The following FABP12 variants were observed in gnomAD, a reference collection of about 807,000 sequenced individuals.
FABP12 encodes fatty acid-binding protein 12.
FABP12 carries 19 observed loss-of-function variants against 13.7 expected under a neutral mutation model. That is an observed-to-expected ratio of 1.39 (90% CI 0.97 to 2.04). The LOEUF (loss-of-function observed/expected upper bound fraction) is 2.04. Ranked by LOEUF, FABP12 falls within the 30% of genes most tolerant of loss-of-function variation. The probability of loss-of-function intolerance (pLI) is 0.00; values close to 1 mark genes in which losing one functional copy is unlikely to be tolerated. For missense variants in FABP12, 182 were observed against 164.2 expected (o/e 1.11, Z -0.59); for synonymous variants, 61 against 57.0 (o/e 1.07, Z -0.32).
At chr8:81,560,928 G>A (rs1809712795) in intron 1 of FABP12, among the ~76,000 whole-genome samples, 1 of 152,222 alleles carries the variant, frequency 6.6e-6, no homozygotes, top group African/African-American at 2.4e-5. Context: ...TGTATCTTCA[G>A]GGTGTTACTG....
At chr8:81,549,228 TAC>T (rs10577619) in intron 1 of FABP12, among the ~76,000 whole-genome samples, 5,465 of 149,654 alleles carry the variant, frequency 0.037, 258 homozygotes, top group African/African-American at 0.11. Context: ...CAGACACACA[TAC>T]ACACACACAC....
chr8:81,531,556 C>A (rs1809076172), intron 1 of FABP12, among the ~76,000 whole-genome samples, 166 bp from the exon 2 acceptor site: 2 of 152,124 alleles, frequency 1.3e-5, no homozygotes, highest in South Asian at 4.1e-4. Flanking sequence ...GAGTGTTTAG[C>A]AGAACTAGAT....
intron 1 of FABP12, among the ~76,000 whole-genome samples, chr8:81,547,943 C>A (rs1172965829): frequency 1.3e-5 from 2 of 152,184 alleles, no homozygotes; most frequent in African/African-American, 4.8e-5. Context: ...TTACAGAATT[C>A]ATACAGAAAA....
intron 1 of FABP12, among the ~76,000 whole-genome samples, chr8:81,574,302 C>T (rs1221797024): frequency 2.0e-5 from 3 of 152,092 alleles, no homozygotes; most frequent in East Asian, 3.9e-4. Context: ...TGGTATGAAA[C>T]CCACTCGATC....
intron 1 of FABP12, among the ~76,000 whole-genome samples, 136 bp downstream of exon 1, chr8:81,533,666 C>T (rs1185903637): frequency 6.6e-6 from 1 of 152,184 alleles, no homozygotes; most frequent in East Asian, 1.9e-4. Context: ...GTACATTAAA[C>T]ATGCTCAGGT....
chr8:81,571,648 G>A (rs112158654), intron 1 of FABP12, among the ~76,000 whole-genome samples: 2,641 of 152,330 alleles, frequency 0.017, 56 homozygotes, highest in African/African-American at 0.057. Flanking sequence ...GTAACTGACA[G>A]AGCTAAACCT....
At position 81,547,712 on chromosome 8, in the gene FABP12, G is replaced by A. The variant is rs74837336; in HGVS notation, c.-184-7969C>T. The stretch of plus-strand genomic sequence containing the variant: ...CTCATTCATTCAATACACATTTCAC[G>A]TGTATTAAGTTTTTGTGCCCACAGA... On this transcript the variant is annotated intron_variant, in intron 1 of 5. Coordinates refer to the FABP12 transcript ENST00000692030. 8.2e-3 allele frequency among the ~76,000 whole-genome samples: 1,245 copies of A among 152,140 alleles called. 14 individuals carry two copies. Among genetic ancestry groups the A allele is most frequent in the Non-Finnish European group, 0.012 (796 of 68,010 alleles).
At chr8:81,552,314 T>G (rs1312192840) in intron 1 of FABP12, among the ~76,000 whole-genome samples, 1 of 152,030 alleles carries the variant, frequency 6.6e-6, no homozygotes, top group Admixed American at 6.6e-5. Context: ...AGAAGTTCAG[T>G]ATAGTAGGAG....
chr8:81,556,850 A>G (rs944764983), intron 1 of FABP12, among the ~76,000 whole-genome samples: 11 of 148,294 alleles, frequency 7.4e-5, no homozygotes, highest in African/African-American at 2.7e-4. Flanking sequence ...TTTGTTGATT[A>G]AATGATTTTA....
intron 1 of FABP12, among the ~76,000 whole-genome samples, chr8:81,568,099 C>T (rs1367010037): frequency 2.0e-5 from 3 of 150,790 alleles, no homozygotes; most frequent in Non-Finnish European, 4.4e-5. Flanking sequence ...GTCCGCAGTC[C>T]CGCCTGGGCG....
intron 1 of FABP12, among the ~76,000 whole-genome samples, chr8:81,556,800 T>C (rs911899527): frequency 6.8e-6 from 1 of 147,936 alleles, no homozygotes; most frequent in Admixed American, 6.8e-5. Context: ...ATATATATGG[T>C]GCTTAAAACA....
intron 1 of FABP12, among the ~76,000 whole-genome samples, chr8:81,549,665 G>C (rs1352785662): frequency 6.6e-6 from 1 of 152,110 alleles, no homozygotes; most frequent in African/African-American, 2.4e-5. Context: ...AGTGAAATAG[G>C]GTACTGAAGA....
intron 1 of FABP12, 102 bp from the exon 2 acceptor site, chr8:81,531,492 G>T (rs1021599227): frequency 3.7e-6 from 2 of 534,232 alleles, no homozygotes; most frequent in Non-Finnish European, 6.5e-6. Context: ...ATCATCTAAA[G>T]CAGAAAAGCT....
At chr8:81,527,766 C>T (rs543864317) in intron 3 of FABP12, among the ~76,000 whole-genome samples, 1 of 152,196 alleles carries the variant, frequency 6.6e-6, no homozygotes, top group East Asian at 1.9e-4. Flanking sequence ...AAACTCCAGC[C>T]TGGACAGCAC....
chr8:81,555,413 A>G (rs1585848260), intron 1 of FABP12, among the ~76,000 whole-genome samples: 1 of 152,254 alleles, frequency 6.6e-6, no homozygotes, highest in Non-Finnish European at 1.5e-5. Context: ...TTTAAAATCT[A>G]AAGTCCTAAT....
At chr8:81,556,419 T>A (rs1379071731) in intron 1 of FABP12, among the ~76,000 whole-genome samples, 1 of 152,192 alleles carries the variant, frequency 6.6e-6, no homozygotes, top group Non-Finnish European at 1.5e-5. Context: ...CTCATTACCA[T>A]GGTGGCTTTT....
chr8:81,525,329 A>C, intron 4 of FABP12, among the ~76,000 whole-genome samples: 1 of 152,180 alleles, frequency 6.6e-6, no homozygotes, highest in Non-Finnish European at 1.5e-5. Flanking sequence ...CAGCCTGGCC[A>C]ACACGGTGAA....
At chr8:81,574,780 C>T (rs1218926492) in intron 1 of FABP12, among the ~76,000 whole-genome samples, 1 of 151,910 alleles carries the variant, frequency 6.6e-6, no homozygotes, top group Non-Finnish European at 1.5e-5. Flanking sequence ...GTATTAGAGT[C>T]GTGTCAGTCG....
At chr8:81,540,339 T>C (rs957960594) in intron 1 of FABP12, among the ~76,000 whole-genome samples, 2 of 152,142 alleles carry the variant, frequency 1.3e-5, no homozygotes, top group African/African-American at 2.4e-5. Flanking sequence ...AAGGGAAAAA[T>C]AGTAACTTCA....
Sources: allele counts gnomAD v4.1 joint callset (sites outside exome capture counted in the v4.1 genomes callset), GRCh38; gene constraint gnomAD v4.1.1; transcripts MANE v1.5; gene names NCBI Gene and HGNC (gene_info 2026-07-23, HGNC 2026-07-21).